Variants in DPYSL2 observed in about 807,000 individuals in gnomAD.
The protein encoded by DPYSL2 is dihydropyrimidinase-related protein 2.
In DPYSL2, 13 loss-of-function variants were observed where a neutral mutation model predicts 69.9. The observed-to-expected ratio is 0.19, with a 90% confidence interval of 0.12 to 0.30. The LOEUF (loss-of-function observed/expected upper bound fraction) is 0.30. Among genes scored for constraint, DPYSL2 ranks in the 10% least tolerant of loss-of-function variants. The pLI, the probability that DPYSL2 is intolerant of heterozygous loss-of-function variation, is 1.00. For missense variants in DPYSL2, 587 were observed against 918.9 expected, an observed-to-expected ratio of 0.64 and a Z score of 4.67; for synonymous variants, 326 against 359.1, an observed-to-expected ratio of 0.91 and a Z score of 1.04.
At position 26,580,512 on chromosome 8, in the gene DPYSL2, C is replaced by A. The variant is rs1395072294; in HGVS notation, c.355-1457C>A. 6.6e-6 allele frequency among the ~76,000 whole-genome samples: 1 copy of A among 152,128 alleles called. No homozygotes were observed. The highest frequency in any genetic ancestry group is 6.5e-5 in the Admixed American group (1 of 15,268). ...AAAGTCTACGTGAGGATCAGGGACC[C>A]TGCAGTGTACAAAATTAAAATGATC... On this transcript the variant is annotated intron_variant, in intron 1 of 13. Coordinates refer to ENST00000521913, the MANE Select transcript of DPYSL2 (RefSeq NM_001197293.3). This position sits in a 1 kb window ranked among gnomAD's most constrained non-coding sequence, Gnocchi z 4.1.
rs1039050728 is a variant in DPYSL2 at position 26,644,685 on chromosome 8, C to T, written c.1425+594C>T. On this transcript the variant is annotated intron_variant, in intron 10 of 13. Transcript: ENST00000521913. This position sits in a 1 kb window ranked among gnomAD's most constrained non-coding sequence, Gnocchi z 4.5. ...CACAGCTTTAGATGTGACTCTGGGT[C>T]AGTCAGGAACAAACTTCCTTAGCAA... Among the ~76,000 whole-genome samples, 4 of 152,088 alleles carry T rather than the reference C, an allele frequency of 2.6e-5. No homozygotes were observed. Among genetic ancestry groups the T allele is most frequent in the Non-Finnish European group, 5.9e-5 (4 of 68,036 alleles).
rs1054772156 is a variant in DPYSL2 at position 26,517,359 on chromosome 8, G to A, written c.354+2680G>A. ...GCCAGACAGCACCAGAAAGCGATGG[G>A]TGTGGCTTGACTCGGCATGTCAGAT... On this transcript the variant is annotated intron_variant, in intron 1 of 13. Transcript: ENST00000521913. This position sits in a 1 kb window ranked among gnomAD's most constrained non-coding sequence, Gnocchi z 4.2. 1.3e-5 allele frequency among the ~76,000 whole-genome samples: 2 copies of A among 152,216 alleles called. No homozygotes were observed. The highest frequency in any genetic ancestry group is 2.9e-5 in the Non-Finnish European group (2 of 68,044).
At chr8:26,595,098 CTGTAG>C (rs2129789560) in intron 3 of DPYSL2, among the ~76,000 whole-genome samples, 1 of 152,058 alleles carries the variant, frequency 6.6e-6, no homozygotes, top group African/African-American at 2.4e-5. Context: ...TGACACATAC[CTGTAG>C]TCCTAGCTGC....
In DPYSL2 at chr8:26,626,052, T is replaced by G. The variant is rs1802605732; in HGVS notation, c.794-565T>G. On this transcript the variant is annotated intron_variant, in intron 4 of 13. Coordinates refer to ENST00000521913, the MANE Select transcript of DPYSL2 (RefSeq NM_001197293.3). This position sits in a 1 kb window ranked among gnomAD's most constrained non-coding sequence, Gnocchi z 4.3. ...TGTACTTTCTGTCTGTGAAATTGAC[T>G]TCTAGGGACCTCATACAAGTGGAAT... 6.6e-6 allele frequency among the ~76,000 whole-genome samples: 1 copy of G among 152,212 alleles called. No homozygotes were observed. Among genetic ancestry groups the G allele is most frequent in the Admixed American group, 6.5e-5 (1 of 15,280 alleles).
At chr8:26,553,940 C>G (rs1171026698) in intron 1 of DPYSL2, among the ~76,000 whole-genome samples, 1 of 149,240 alleles carries the variant, frequency 6.7e-6, no homozygotes, top group African/African-American at 2.5e-5. Context: ...ACTCTGCCAC[C>G]CATGCTGGAG....
Position 26,657,491 on chromosome 8 carries a change from CTACACATTTT to C in DPYSL2, c.*1786_*1795del, listed in dbSNP as rs1182188666. 1.3e-5 allele frequency: 2 copies of C among 152,554 alleles called. No homozygotes were observed. Among genetic ancestry groups the C allele is most frequent in the Non-Finnish European group, 2.9e-5 (2 of 68,028 alleles). 9.5% of individuals were successfully genotyped at this position (152,554 alleles called of 1,614,324 possible). ...TCATTCCATCACCACCCTTGTCTCT[CTACACATTTT>C]GCCTTTGGGGATCTGGTTGGGGTTT... On this transcript the variant is annotated 3_prime_UTR_variant, in exon 14 of 14. Coordinates refer to ENST00000521913, the MANE Select transcript of DPYSL2 (RefSeq NM_001197293.3).
At chr8:26,594,920 G>T (rs1475752261) in intron 3 of DPYSL2, among the ~76,000 whole-genome samples, 1 of 152,170 alleles carries the variant, frequency 6.6e-6, no homozygotes, top group African/African-American at 2.4e-5. Flanking sequence ...GGTGACTTAT[G>T]CCTGTAATCC....
At chr8:26,569,095 A>G (rs1278994137) in intron 1 of DPYSL2, among the ~76,000 whole-genome samples, 1 of 152,084 alleles carries the variant, frequency 6.6e-6, no homozygotes, top group Non-Finnish European at 1.5e-5. Context: ...GAGGGCCCCC[A>G]ACTGTAATCC....
rs1801054155 is a variant in DPYSL2, at chr8:26,560,532, G to A, written c.355-21437G>A. ...AGCTCACAGCTCACAGCCAGGCTCT[G>A]TGGGCTGCACCCCATGAGAAATTCT... is the stretch of plus-strand genomic sequence containing the variant. On this transcript the variant is annotated intron_variant, in intron 1 of 13. Coordinates refer to ENST00000521913, the MANE Select transcript of DPYSL2 (RefSeq NM_001197293.3). The surrounding 1 kb of genome is among the most constrained non-coding windows in gnomAD (Gnocchi z 4.4). 6.6e-6 allele frequency among the ~76,000 whole-genome samples: 1 copy of A among 152,060 alleles called. No individual in the cohort carries two copies. Among genetic ancestry groups the A allele is most frequent in the Admixed American group, 6.5e-5 (1 of 15,270 alleles).
chr8:26,643,157 G>A lies in DPYSL2; in HGVS notation c.1127-282G>A, dbSNP rs186140294. The A allele has an allele frequency of 1.4e-5, 5 of 352,798 alleles. No individual in the cohort carries two copies. The highest frequency in any genetic ancestry group is 5.2e-5 in the East Asian group (1 of 19,342). 21.9% of individuals were successfully genotyped at this position (352,798 alleles called of 1,614,324 possible). On this transcript the variant is annotated intron_variant, in intron 8 of 13. Coordinates refer to ENST00000521913, the MANE Select transcript of DPYSL2 (RefSeq NM_001197293.3). This position sits in a 1 kb window ranked among gnomAD's most constrained non-coding sequence, Gnocchi z 6.5. ...ATTAATGGAATTGAAAATCAGCAAC[G>A]TAGGAGACAGAAGCCTTCAGGATGT...
chr8:26,596,619 C>T (rs933654647), intron 3 of DPYSL2, among the ~76,000 whole-genome samples: 5 of 152,180 alleles, frequency 3.3e-5, no homozygotes, highest in South Asian at 2.1e-4. Context: ...ATCTGTGGGA[C>T]GCAAGCCCTG....
At chr8:26,528,176 G>A (rs929995157) in intron 1 of DPYSL2, among the ~76,000 whole-genome samples, 1 of 152,094 alleles carries the variant, frequency 6.6e-6, no homozygotes, top group Non-Finnish European at 1.5e-5. Context: ...TGGTGAGGTG[G>A]CACCTCTGCC....
In DPYSL2 at chr8:26,634,771, G is replaced by A; in HGVS notation, c.1006-9G>A. On this transcript the variant is annotated splice_polypyrimidine_tract_variant and intron_variant, in intron 7 of 13. Transcript: ENST00000521913. ...AGCCACATTCTCATGCTCTGCTGCTGTTTTGCAGGTCGAGGCCGAAGCCGT... is the reference window on the plus strand; with the variant it reads ...AGCCACATTCTCATGCTCTGCTGCTATTTTGCAGGTCGAGGCCGAAGCCGT... 2.5e-6 allele frequency: 4 copies of A among 1,614,134 alleles called. No homozygotes were observed. The highest frequency in any genetic ancestry group is 3.4e-6 in the Non-Finnish European group (4 of 1,180,000).
At chr8:26,601,010 C>T (rs1045719670) in intron 3 of DPYSL2, among the ~76,000 whole-genome samples, 5 of 152,188 alleles carry the variant, frequency 3.3e-5, no homozygotes, top group East Asian at 1.9e-4. Flanking sequence ...ACACAGCCTG[C>T]GGGGTCCAGG....
Position 26,652,657 on chromosome 8 carries a change from A to G in DPYSL2, c.1776+221A>G, listed in dbSNP as rs1803301527. Among the ~76,000 whole-genome samples the G allele has an allele frequency of 1.3e-5, 2 of 151,988 alleles. No individual in the cohort carries two copies. Among genetic ancestry groups the G allele is most frequent in the South Asian group, 2.1e-4 (1 of 4,808 alleles). On this transcript the variant is annotated intron_variant, in intron 12 of 13. Coordinates refer to ENST00000521913, the MANE Select transcript of DPYSL2 (RefSeq NM_001197293.3). The surrounding 1 kb of genome is among the most constrained non-coding windows in gnomAD (Gnocchi z 6.3). ...GCAAAGTGAGATCATGGTATATGCT[A>G]TGATAAGGAGTGTGGAGTAAGGACC...
At chr8:26,625,832 A>C (rs1802600530) in intron 4 of DPYSL2, among the ~76,000 whole-genome samples, 2 of 152,192 alleles carry the variant, frequency 1.3e-5, no homozygotes, top group Non-Finnish European at 2.9e-5. Context: ...AAATAAATAT[A>C]ACATTCAAGT....
Position 26,648,401 on chromosome 8 carries a change from T to C in DPYSL2, c.1596+601T>C, listed in dbSNP as rs1186837593. Reference sequence around the variant, plus strand: ...GTCTGGGCTTTAGAGCTTAGAGATGTCCTCTCTTGTTAACAGGACCCAGGG... The same window carrying C: ...GTCTGGGCTTTAGAGCTTAGAGATGCCCTCTCTTGTTAACAGGACCCAGGG... On this transcript the variant is annotated intron_variant, in intron 11 of 13. Coordinates refer to ENST00000521913, the MANE Select transcript of DPYSL2 (RefSeq NM_001197293.3). This position sits in a 1 kb window ranked among gnomAD's most constrained non-coding sequence, Gnocchi z 4.3. Among the ~76,000 whole-genome samples the C allele has an allele frequency of 6.6e-6, 1 of 152,186 alleles. No homozygotes were observed. The highest frequency in any genetic ancestry group is 1.9e-4 in the East Asian group (1 of 5,192).
chr8:26,577,784 C>G, intron 1 of DPYSL2: 1 of 990,596 alleles, frequency 1.0e-6, no homozygotes, highest in South Asian at 4.5e-5. Flanking sequence ...CCGCATTTCG[C>G]GCTCTCGCGC....
In DPYSL2 at chr8:26,641,090, G is replaced by C. The variant is rs1378421288; in HGVS notation, c.1127-2349G>C. On this transcript the variant is annotated intron_variant, in intron 8 of 13. Transcript: ENST00000521913. The surrounding 1 kb of genome is among the most constrained non-coding windows in gnomAD (Gnocchi z 4.1). ...CAGCATTCATCCCCATGGTATTCAGGCCACTTTCCAAGAACCAGCCCCTCC... is the reference window on the plus strand; with the variant it reads ...CAGCATTCATCCCCATGGTATTCAGCCCACTTTCCAAGAACCAGCCCCTCC... 6.6e-6 allele frequency among the ~76,000 whole-genome samples: 1 copy of C among 152,188 alleles called. No individual in the cohort carries two copies. The highest frequency in any genetic ancestry group is 2.4e-5 in the African/African-American group (1 of 41,446).
Sources: gnomAD v4.1 joint callset for allele counts (sites outside exome capture counted in the v4.1 genomes callset) on GRCh38, gnomAD v4.1.1 for gene constraint, Gnocchi (gnomAD v3.1) non-coding constraint, MANE v1.5 for transcripts, NCBI Gene and HGNC (gene_info 2026-07-23, HGNC 2026-07-21) for gene names.